DOCK11: variants seen among roughly 807,000 people sequenced by gnomAD.
The protein encoded by DOCK11 is dedicator of cytokinesis 11, also known as dedicator of cytokinesis protein 11.
A neutral mutation model predicts 169.1 loss-of-function variants in DOCK11; 70 were observed. The ratio of observed to expected loss-of-function variants is 0.41; its 90% CI spans 0.34 to 0.51. The LOEUF is 0.51. Ranked by LOEUF, DOCK11 falls within the 20% of genes least tolerant of loss-of-function variation. DOCK11 has a pLI of 0.10. For synonymous variants in DOCK11, 529 were observed against 541.3 expected, an observed-to-expected ratio of 0.98 and a Z score of 0.32; for missense variants, 1,166 against 1,538.8, an observed-to-expected ratio of 0.76 and a Z score of 4.05.
chrX:118,517,337 C>T (rs764034111), intron 1 of DOCK11, among the ~76,000 whole-genome samples: 6 of 107,562 alleles, frequency 5.6e-5, no homozygotes, highest in South Asian at 8.5e-4. Context: ...GAGCTATGAT[C>T]GCGCCACTGC....
At chrX:118,572,286 C>T (rs756614284) in intron 10 of DOCK11, 37 bp from the exon 11 acceptor site, 1 of 1,098,098 alleles carries the variant, frequency 9.1e-7, no homozygotes, top group East Asian at 3.1e-5. Context: ...TGAATCCCAT[C>T]TTTTTTTGAA....
chrX:118,611,308 C>A (rs2014677153), intron 28 of DOCK11, among the ~76,000 whole-genome samples: 2 of 112,133 alleles, frequency 1.8e-5, no homozygotes, highest in African/African-American at 6.5e-5. Flanking sequence ...AATGAAATGA[C>A]AAATAATTAA....
intron 31 of DOCK11, among the ~76,000 whole-genome samples, chrX:118,619,016 C>T (rs765367208): frequency 6.5e-5 from 7 of 107,988 alleles, no homozygotes; most frequent in African/African-American, 2.0e-4. Flanking sequence ...TGCCACCACG[C>T]CTGGCTAATT....
At position 118,623,136 on chromosome X, in the gene DOCK11, C is replaced by T. The variant is rs779093579; in HGVS notation, c.3472-1403C>T. On this transcript the variant is annotated intron_variant, in intron 31 of 52. Coordinates refer to ENST00000276202, the MANE Select transcript of DOCK11 (RefSeq NM_144658.4). ...GGGAGACTGAGGCAGGAGAATCTCT[C>T]GAACCCAGGAGGCAGAGATTGCAGT... is the stretch of plus-strand genomic sequence containing the variant. 4.3e-3 allele frequency among the ~76,000 whole-genome samples: 481 copies of T among 111,323 alleles called. 1 individual carries two copies. The highest frequency in any genetic ancestry group is 0.01 in the South Asian group (27 of 2,647).
intron 1 of DOCK11, among the ~76,000 whole-genome samples, chrX:118,502,385 C>A (rs753652966): frequency 1.8e-5 from 2 of 112,122 alleles, no homozygotes; most frequent in South Asian, 3.7e-4. Flanking sequence ...AGACAGCCAC[C>A]ATGTCATTTT....
chrX:118,542,654 T>G, intron 1 of DOCK11, 71 bp from the exon 2 acceptor site: 1 of 762,299 alleles, frequency 1.3e-6, no homozygotes, highest in Non-Finnish European at 2.0e-6. Context: ...GTAATGTATC[T>G]TTAGTACATA....
At position 118,578,660 on chromosome X, in the gene DOCK11, G is replaced by C. The variant is rs768024171; in HGVS notation, c.1512+13G>C. The C allele has an allele frequency of 3.4e-6, 4 of 1,184,974 alleles. No homozygotes were observed. The South Asian group carries it at 7.5e-5, about 22-fold the overall frequency. ...TGATCCAGTAAAGGTAATTTATAAA[G>C]GTTGTTGATCAACATTTCACCTTAA... On this transcript the variant is annotated intron_variant, in intron 13 of 52. Transcript: ENST00000276202.
rs2015434010 is a variant in DOCK11 at position 118,637,968 on chromosome X, A to G, written c.3954-112A>G. 5.2e-6 allele frequency: 3 copies of G among 571,678 alleles called. No individual in the cohort carries two copies. In the South Asian group the frequency reaches 1.0e-4, roughly 19 times the overall value. The allele number at this position is 571,678 out of a possible 1,213,427, so 47.1% of individuals were successfully genotyped here. A position where few individuals can be genotyped will look rare whatever the true frequency, so the allele number is the denominator to read the frequency against. On this transcript the variant is annotated intron_variant, in intron 36 of 52. Coordinates refer to ENST00000276202, the MANE Select transcript of DOCK11 (RefSeq NM_144658.4). ...TCTGTATAGCAAAACACTTATCATT[A>G]TAATATGATTTAAATAGGCTATTCT... is the stretch of plus-strand genomic sequence containing the variant.
At chrX:118,586,241 GT>G (rs2013809942) in intron 16 of DOCK11, among the ~76,000 whole-genome samples, 1 of 111,355 alleles carries the variant, frequency 9.0e-6, no homozygotes, top group African/African-American at 3.3e-5. Flanking sequence ...GTATTACTCC[GT>G]TTTTCACACG....
Position 118,590,301 on chromosome X carries a change from A to G in DOCK11, c.2138A>G (p.Glu713Gly). ...AACCAAAATCCAGAGTTCTATGATG[A>G]GGTAAAAATATATTATCCTGACATT... ...HHNQNPEFYD[E>G]IKIELPIHLH... is the part of the protein sequence containing the mutation. Residue 713 changes from glutamate to glycine, a missense_variant and splice_region_variant, in exon 19 of 53, where the codon GAG becomes GGG. By Grantham distance (98) the Glu-to-Gly change is moderately conservative (BLOSUM62 -2). Coordinates refer to ENST00000276202, the MANE Select transcript of DOCK11 (RefSeq NM_144658.4). 1 of 1,179,942 alleles carries G rather than the reference A, an allele frequency of 8.5e-7. No homozygotes were observed. The highest frequency in any genetic ancestry group is 1.2e-6 in the Non-Finnish European group (1 of 868,948).
At chrX:118,611,933 CAG>C (rs1315036673) in intron 28 of DOCK11, among the ~76,000 whole-genome samples, 1 of 111,496 alleles carries the variant, frequency 9.0e-6, no homozygotes, top group African/African-American at 3.3e-5. Context: ...TTAGTAGAGA[CAG>C]GGGTTTGCCA....
intron 6 of DOCK11, among the ~76,000 whole-genome samples, chrX:118,546,787 C>T (rs2147352898): frequency 9.0e-6 from 1 of 110,792 alleles, no homozygotes; most frequent in African/African-American, 3.3e-5. Flanking sequence ...GGCAGGAGTT[C>T]GAGACCAGCC....
intron 6 of DOCK11, 46 bp from the exon 7 acceptor site, chrX:118,561,337 A>C: frequency 9.3e-7 from 1 of 1,078,176 alleles, no homozygotes; most frequent in South Asian, 2.8e-5. Flanking sequence ...ATTCAAATGC[A>C]ATGTATATGT....
intron 13 of DOCK11, among the ~76,000 whole-genome samples, chrX:118,579,250 C>T (rs1245326520): frequency 1.8e-5 from 2 of 111,397 alleles, no homozygotes; most frequent in African/African-American, 6.5e-5. Context: ...AGTTGGCAAC[C>T]CTATATTGTC....
intron 12 of DOCK11, 117 bp from the exon 13 acceptor site, chrX:118,578,408 G>A: frequency 1.3e-6 from 1 of 792,228 alleles, no homozygotes; most frequent in Non-Finnish European, 1.8e-6. Context: ...CTATTTCTAG[G>A]GTCCTGGACA....
intron 5 of DOCK11, among the ~76,000 whole-genome samples, 191 bp from the exon 6 acceptor site, chrX:118,545,830 C>T (rs931472322): frequency 1.8e-5 from 2 of 111,999 alleles, no homozygotes; most frequent in African/African-American, 6.5e-5. Context: ...TCAGTAAATA[C>T]TGAGTGCCTA....
chrX:118,536,571 A>C (rs1010368757), intron 1 of DOCK11, among the ~76,000 whole-genome samples: 3 of 111,903 alleles, frequency 2.7e-5, no homozygotes, highest in Admixed American at 9.5e-5. Context: ...AATGGGGAAT[A>C]GAGGGACTCA....
At chrX:118,660,762 G>T (rs886868526) in intron 44 of DOCK11, among the ~76,000 whole-genome samples, 1 of 110,414 alleles carries the variant, frequency 9.1e-6, no homozygotes, top group Non-Finnish European at 1.9e-5. Context: ...GAGCCACCGC[G>T]CCTGGCCCAA....
intron 1 of DOCK11, among the ~76,000 whole-genome samples, chrX:118,500,005 T>C (rs767294489): frequency 9.0e-6 from 1 of 111,248 alleles, no homozygotes; most frequent in African/African-American, 3.3e-5. Context: ...ATTGAGTCTT[T>C]TTCTATTCTA....
Sources: allele counts gnomAD v4.1 joint callset (sites outside exome capture counted in the v4.1 genomes callset), GRCh38; gene constraint gnomAD v4.1.1; transcripts MANE v1.5; gene names NCBI Gene and HGNC (gene_info 2026-07-23, HGNC 2026-07-21).